PCDH9: variants seen among roughly 807,000 people sequenced by gnomAD.
PCDH9 encodes protocadherin-9.
PCDH9 carries 24 observed loss-of-function variants against 70.6 expected under a neutral mutation model. The ratio of observed to expected loss-of-function variants is 0.34; its 90% confidence interval spans 0.25 to 0.48. The LOEUF (loss-of-function observed/expected upper bound fraction) is 0.48, where lower values mean the gene tolerates loss of function less well. Ranked by LOEUF, PCDH9 falls within the 20% of genes least tolerant of loss-of-function variation. PCDH9 has a pLI of 0.99. For missense variants in PCDH9, 1,281 were observed against 1,503.6 expected (o/e 0.85, Z 2.45); for synonymous variants, 562 against 558.5 (o/e 1.01, Z -0.09).
intron 2 of PCDH9, among the ~76,000 whole-genome samples, chr13:67,121,712 A>C (rs2086880767): frequency 6.6e-6 from 1 of 152,198 alleles, no homozygotes; most frequent in Admixed American, 6.5e-5. Context: ...TATGTCTGTA[A>C]GAAAAATCTT....
intron 2 of PCDH9, among the ~76,000 whole-genome samples, chr13:67,113,554 G>GTT (rs962782881): frequency 6.8e-6 from 1 of 146,536 alleles, no homozygotes; most frequent in Non-Finnish European, 1.5e-5. Context: ...GCCAAATCAT[G>GTT]TTTTTTTTTT....
chr13:66,506,891 A>G (rs1959224205), intron 4 of PCDH9, among the ~76,000 whole-genome samples: 3 of 152,258 alleles, frequency 2.0e-5, no homozygotes. Context: ...GCTTTATAAC[A>G]CCAGATTAAA....
intron 4 of PCDH9, among the ~76,000 whole-genome samples, chr13:66,382,600 T>C (rs548612069): frequency 2.0e-4 from 30 of 152,288 alleles, no homozygotes; most frequent in African/African-American, 7.2e-4. Context: ...AAACTACTTT[T>C]TATTTTTAGG....
intron 3 of PCDH9, among the ~76,000 whole-genome samples, chr13:66,877,138 G>A (rs985579082): frequency 4.0e-5 from 6 of 151,764 alleles, no homozygotes; most frequent in African/African-American, 1.5e-4. Flanking sequence ...AGAGACCAGT[G>A]TATGCTATTT....
chr13:66,444,646 T>C (rs1256452987), intron 4 of PCDH9, among the ~76,000 whole-genome samples: 1 of 152,164 alleles, frequency 6.6e-6, no homozygotes, highest in Non-Finnish European at 1.5e-5. Context: ...TTGCAACCTC[T>C]GCCTCCTAGG....
intron 4 of PCDH9, among the ~76,000 whole-genome samples, chr13:66,501,148 G>A (rs949378828): frequency 8.5e-5 from 13 of 152,054 alleles, no homozygotes; most frequent in Non-Finnish European, 1.5e-4. Context: ...AAAATAAAAT[G>A]TCTTTTAATT....
chr13:66,655,698 G>T (rs1407440665), intron 3 of PCDH9, among the ~76,000 whole-genome samples: 1 of 152,112 alleles, frequency 6.6e-6, no homozygotes, highest in African/African-American at 2.4e-5. Flanking sequence ...GCATTTTGTC[G>T]ATGAATAATT....
chr13:67,224,918 C>T lies in PCDH9; in HGVS notation c.3036+487G>A, dbSNP rs552218988. On this transcript the variant is annotated intron_variant, in intron 2 of 4. Coordinates refer to ENST00000377865, the MANE Select transcript of PCDH9 (RefSeq NM_203487.3). ...TGATGTACATTTAATATTCTACTAT[C>T]CTGTTTAGAGACTAAAAAAAAAATT... is the stretch of plus-strand genomic sequence containing the variant. 8.0e-6 allele frequency: 8 copies of T among 994,916 alleles called. No individual in the cohort carries two copies. In the South Asian group the frequency reaches 3.1e-4, roughly 39 times the overall value. The allele number at this position is 994,916 out of a possible 1,614,324, so 61.6% of individuals were successfully genotyped here.
At chr13:67,181,490 G>C (rs1425126515) in intron 2 of PCDH9, among the ~76,000 whole-genome samples, 1 of 152,100 alleles carries the variant, frequency 6.6e-6, no homozygotes, top group East Asian at 1.9e-4. Flanking sequence ...TGAATATCAA[G>C]ACAACTAGAA....
At chr13:66,935,074 A>AT (rs2082893692) in intron 2 of PCDH9, among the ~76,000 whole-genome samples, 1 of 150,532 alleles carries the variant, frequency 6.6e-6, no homozygotes, top group South Asian at 2.1e-4. Flanking sequence ...AATTATTAAT[A>AT]TTTTTTGGAG....
intron 3 of PCDH9, among the ~76,000 whole-genome samples, chr13:66,681,950 C>CATATATATATATAT (rs56280836): frequency 0.081 from 10,572 of 129,984 alleles, 511 homozygotes; most frequent in Non-Finnish European, 0.093. Context: ...TATATACAAA[C>CATATATATATATAT]ATATATATAT....
intron 2 of PCDH9, among the ~76,000 whole-genome samples, chr13:66,970,626 G>GAAA (rs767546503): frequency 1.9e-5 from 1 of 53,406 alleles, no homozygotes; most frequent in Admixed American, 2.4e-4. Flanking sequence ...GACCCTGTCT[G>GAAA]AAAAAAAAAA....
chr13:66,308,224 C>CT (rs923695526), intron 4 of PCDH9, among the ~76,000 whole-genome samples: 32 of 151,902 alleles, frequency 2.1e-4, no homozygotes, highest in African/African-American at 6.0e-4. Context: ...TTTCTTTAAA[C>CT]TTTTTTTTAC....
chr13:67,087,087 T>TAAA (rs36017495), intron 2 of PCDH9, among the ~76,000 whole-genome samples: 10 of 123,756 alleles, frequency 8.1e-5, no homozygotes, highest in African/African-American at 9.0e-5. Flanking sequence ...TGATGTTTTG[T>TAAA]AAAAAAAAAA....
intron 4 of PCDH9, among the ~76,000 whole-genome samples, chr13:66,552,300 C>T (rs916719341): frequency 1.3e-5 from 2 of 152,040 alleles, no homozygotes; most frequent in African/African-American, 4.8e-5. Context: ...GTGTTTAGTT[C>T]AGTGGAGAAT....
At chr13:66,910,372 T>TA (rs36108594) in intron 2 of PCDH9, among the ~76,000 whole-genome samples, 61,581 of 152,016 alleles carry the variant, frequency 0.41, 13,552 homozygotes, top group African/African-American at 0.58. Flanking sequence ...GTGAAATTAA[T>TA]GATAAGATAT....
intron 2 of PCDH9, among the ~76,000 whole-genome samples, chr13:67,029,091 A>G (rs2084852573): frequency 6.6e-6 from 1 of 152,206 alleles, no homozygotes; most frequent in South Asian, 2.1e-4. Flanking sequence ...GAGGAAAAAT[A>G]TGATCTGTTT....
chr13:66,352,422 A>G (rs1956307456), intron 4 of PCDH9, among the ~76,000 whole-genome samples: 1 of 152,120 alleles, frequency 6.6e-6, no homozygotes, highest in Admixed American at 6.6e-5. Flanking sequence ...GAAATATTGC[A>G]TAGCTCTGGA....
intron 2 of PCDH9, among the ~76,000 whole-genome samples, chr13:67,021,623 G>C (rs142575603): frequency 4.6e-5 from 7 of 151,864 alleles, no homozygotes; most frequent in African/African-American, 1.7e-4. Flanking sequence ...GCAGTGGTGC[G>C]ATCTCTGCTT....
Sources: allele counts gnomAD v4.1 joint callset (sites outside exome capture counted in the v4.1 genomes callset), GRCh38; gene constraint gnomAD v4.1.1; transcripts MANE v1.5; gene names NCBI Gene and HGNC (gene_info 2026-07-23, HGNC 2026-07-21).